Variants in VTI1A observed in about 807,000 individuals in gnomAD.
VTI1A encodes the protein vesicle transport through interaction with t-SNAREs 1A, also known as vesicle transport through interaction with t-SNAREs homolog 1A.
VTI1A carries 22 observed loss-of-function variants against 34.9 expected under a neutral mutation model. The observed-to-expected ratio is 0.63, with a 90% CI of 0.45 to 0.90. The LOEUF is 0.90. Ranked by LOEUF, VTI1A falls within the 40% of genes least tolerant of loss-of-function variation. VTI1A has a pLI of 0.00. For missense variants in VTI1A, 268 were observed against 275.6 expected, an observed-to-expected ratio of 0.97 and a Z score of 0.20; for synonymous variants, 87 against 97.3, an observed-to-expected ratio of 0.89 and a Z score of 0.62.
chr10:112,703,538 C>G (rs1849085226), intron 7 of VTI1A, among the ~76,000 whole-genome samples: 1 of 151,962 alleles, frequency 6.6e-6, no homozygotes, highest in South Asian at 2.1e-4. Flanking sequence ...TGCACTCCAG[C>G]CTGGGCAACA....
intron 3 of VTI1A, among the ~76,000 whole-genome samples, chr10:112,492,245 A>T (rs568413266): frequency 6.6e-6 from 1 of 152,208 alleles, no homozygotes; most frequent in Non-Finnish European, 1.5e-5. Flanking sequence ...GTTGTCACTC[A>T]GTAAACCATA....
At chr10:112,772,930 A>G (rs1165392759) in intron 7 of VTI1A, among the ~76,000 whole-genome samples, 3 of 152,236 alleles carry the variant, frequency 2.0e-5, no homozygotes, top group Non-Finnish European at 4.4e-5. Context: ...GAGTTTAGCA[A>G]TAGAATGCCA....
intron 7 of VTI1A, among the ~76,000 whole-genome samples, chr10:112,773,704 G>A (rs1309009673): frequency 6.6e-6 from 1 of 152,188 alleles, no homozygotes; most frequent in Non-Finnish European, 1.5e-5. Context: ...TGCCCATCCG[G>A]TGCATCCTAA....
rs747055928 is a variant in VTI1A, at chr10:112,815,310, T to C, written c.581T>C (p.Leu194Pro). The change falls in exon 8 of 8, where the codon CTG becomes CCG. Residue 194 changes from leucine (L) to proline (P), a missense_variant. Coordinates refer to ENST00000393077, the MANE Select transcript of VTI1A (RefSeq NM_145206.4). ...MLRRIIQNRI[L>P]LVILGIIVVI... ...CCTAGAATCATCCAGAACCGCATCC[T>C]GCTCGTCATCCTAGGGATCATCGTG... 1.2e-6 allele frequency: 2 copies of C among 1,612,964 alleles called. No homozygotes were observed. The highest frequency in any genetic ancestry group is 3.3e-5 in the Admixed American group (2 of 59,960).
chr10:112,855,182 C>G, the VTI1A span, among the ~76,000 whole-genome samples: 1 of 152,158 alleles, frequency 6.6e-6, no homozygotes, highest in African/African-American at 2.4e-5. Flanking sequence ...GTTGAACTTC[C>G]TATTTTGTCA....
At chr10:112,838,829 G>C in the VTI1A span, among the ~76,000 whole-genome samples, 16 of 152,312 alleles carry the variant, frequency 1.1e-4, no homozygotes, top group East Asian at 2.7e-3. Context: ...CCTAGCTGGG[G>C]GCTTCAGACA....
intron 3 of VTI1A, among the ~76,000 whole-genome samples, chr10:112,497,536 T>G (rs1849072085): frequency 6.6e-6 from 1 of 152,192 alleles, no homozygotes; most frequent in African/African-American, 2.4e-5. Context: ...TCACAGCTCT[T>G]AGAATAATGC....
the VTI1A span, among the ~76,000 whole-genome samples, chr10:112,849,949 C>T: frequency 8.5e-3 from 1,288 of 152,248 alleles, 18 homozygotes; most frequent in African/African-American, 0.029. Context: ...AGGGCTCCCC[C>T]GGAAGGCGTC....
At chr10:112,469,370 T>A (rs1848004498) in intron 3 of VTI1A, among the ~76,000 whole-genome samples, 1 of 152,232 alleles carries the variant, frequency 6.6e-6, no homozygotes, top group South Asian at 2.1e-4. Flanking sequence ...CATCTGTTCA[T>A]GTACTATGGC....
At position 112,509,307 on chromosome 10, in the gene VTI1A, C is replaced by A. The variant is rs986718439; in HGVS notation, c.265-17780C>A. 5.3e-5 allele frequency among the ~76,000 whole-genome samples: 8 copies of A among 152,190 alleles called. No individual in the cohort carries two copies. In the South Asian group the frequency reaches 1.2e-3, roughly 24 times the overall value. ...AATTTGAACCCAGGCTCATCAGTTG[C>A]CCAAATCCGAGGCCTTTCTACTTTA... On this transcript the variant is annotated intron_variant, in intron 3 of 7. Transcript: ENST00000393077.
intron 3 of VTI1A, among the ~76,000 whole-genome samples, chr10:112,483,273 T>TA (rs536289747): frequency 3.9e-4 from 58 of 149,540 alleles, no homozygotes; most frequent in South Asian, 8.5e-4. Context: ...GTTCTCCAAT[T>TA]AAAAAAAAAA....
chr10:112,527,212 A>C (rs1256678061), intron 4 of VTI1A, 48 bp downstream of exon 4: 2 of 1,565,702 alleles, frequency 1.3e-6, no homozygotes, highest in Non-Finnish European at 1.8e-6. Flanking sequence ...AGGGTGAAGG[A>C]GGTCACTGGC....
At chr10:112,595,285 G>A (rs1489983052) in intron 5 of VTI1A, among the ~76,000 whole-genome samples, 1 of 147,916 alleles carries the variant, frequency 6.8e-6, no homozygotes, top group Non-Finnish European at 1.5e-5. Context: ...CAAAAGCAAT[G>A]GCAACAAAAG....
chr10:112,452,850 T>G (rs1340155981), intron 1 of VTI1A, among the ~76,000 whole-genome samples: 1 of 152,144 alleles, frequency 6.6e-6, no homozygotes, highest in Non-Finnish European at 1.5e-5. Context: ...TCTCTGTGAT[T>G]AACATCATGT....
chr10:112,553,782 C>G (rs1851451019), intron 5 of VTI1A, among the ~76,000 whole-genome samples: 1 of 152,208 alleles, frequency 6.6e-6, no homozygotes, highest in Non-Finnish European at 1.5e-5. Flanking sequence ...TACTTAGATG[C>G]AGGGGGACTG....
intron 5 of VTI1A, among the ~76,000 whole-genome samples, chr10:112,665,113 T>C (rs1176982167): frequency 6.6e-6 from 1 of 152,228 alleles, no homozygotes; most frequent in Non-Finnish European, 1.5e-5. Context: ...TTGTGTTCTT[T>C]CTATTATGGT....
At chr10:112,654,516 A>G in intron 5 of VTI1A, among the ~76,000 whole-genome samples, 1 of 151,872 alleles carries the variant, frequency 6.6e-6, no homozygotes, top group East Asian at 1.9e-4. Flanking sequence ...ATTTTTTGAG[A>G]CCGAGTCTAA....
intron 3 of VTI1A, among the ~76,000 whole-genome samples, chr10:112,492,204 G>A (rs1042948064): frequency 2.0e-5 from 3 of 152,096 alleles, no homozygotes; most frequent in African/African-American, 7.2e-5. Flanking sequence ...TCAATAAGGG[G>A]TATATAGAAT....
At chr10:112,481,972 A>G (rs1457092858) in intron 3 of VTI1A, among the ~76,000 whole-genome samples, 1 of 152,222 alleles carries the variant, frequency 6.6e-6, no homozygotes, top group Non-Finnish European at 1.5e-5. Context: ...TTGTGGCTAG[A>G]TTGGAAAATT....
Sources: gnomAD v4.1 joint callset for allele counts (sites outside exome capture counted in the v4.1 genomes callset) on GRCh38, gnomAD v4.1.1 for gene constraint, MANE v1.5 for transcripts, NCBI Gene and HGNC (gene_info 2026-07-23, HGNC 2026-07-21) for gene names.